Variants in PCDHGB7 observed in about 807,000 individuals in gnomAD.
PCDHGB7 encodes the protein protocadherin gamma subfamily B, 7.
In PCDHGB7, 37 loss-of-function variants were observed where a neutral mutation model predicts 61.4. The ratio of observed to expected loss-of-function variants is 0.60; its 90% CI spans 0.46 to 0.79. PCDHGB7 has a LOEUF of 0.79. Among genes scored for constraint, PCDHGB7 ranks in the 30% least tolerant of loss-of-function variants. The pLI is 0.00. For missense variants in PCDHGB7, 1,166 were observed against 1,202.5 expected, an observed-to-expected ratio of 0.97 and a Z score of 0.45; for synonymous variants, 464 against 503.5, an observed-to-expected ratio of 0.92 and a Z score of 1.05.
At position 141,419,733 on chromosome 5, in the gene PCDHGB7, AGGTGCGCATGGTGCGTGCTTTG is replaced by A. The variant is rs763538035; in HGVS notation, c.1879_1900del (p.Arg627ThrfsTer10). On this transcript the variant is annotated frameshift_variant, in exon 1 of 4. Transcript: ENST00000398594. LOFTEE classifies it high-confidence loss of function. ...TTCAGCCTGGGGCTGCGAACAGGCG[AGGTGCGCATGGTGCGTGCTTTG>A]GGTGACAAGGACTCGGTCCGCCAGC... The A allele has an allele frequency of 1.1e-5, 18 of 1,613,646 alleles. No individual in the cohort carries two copies. The highest frequency in any genetic ancestry group is 1.4e-5 in the Non-Finnish European group (17 of 1,179,854).
chr5:141,458,551 T>A (rs1019302178), intron 1 of PCDHGB7, among the ~76,000 whole-genome samples: 1 of 148,194 alleles, frequency 6.7e-6, no homozygotes, highest in Non-Finnish European at 1.5e-5. Flanking sequence ...TTTGTTTGTT[T>A]GTTTTGGTTT....
chr5:141,467,572 G>A (rs1351985954), intron 1 of PCDHGB7, among the ~76,000 whole-genome samples: 1 of 152,184 alleles, frequency 6.6e-6, no homozygotes, highest in African/African-American at 2.4e-5. Flanking sequence ...TGGCTATCCA[G>A]TTGTCCCAAT....
rs192677983 is a variant in PCDHGB7 at position 141,457,339 on chromosome 5, A to G, written c.2415+37065A>G. On this transcript the variant is annotated intron_variant, in intron 1 of 3. Transcript: ENST00000398594. The stretch of plus-strand genomic sequence containing the variant: ...CCTCCGGGTTACAGGTACCTTACTT[A>G]CTTTCATTACCTGGCACAATTTGCA... Among the ~76,000 whole-genome samples the G allele has an allele frequency of 3.1e-4, 47 of 152,268 alleles. No individual in the cohort carries two copies. The South Asian group carries it at 3.3e-3, about 11-fold the overall frequency.
Position 141,477,486 on chromosome 5 carries a change from C to A in PCDHGB7, c.2416-17321C>A. On this transcript the variant is annotated intron_variant, in intron 1 of 3. Coordinates refer to ENST00000398594, the MANE Select transcript of PCDHGB7 (RefSeq NM_018927.4). This position sits in a 1 kb window ranked among gnomAD's most constrained non-coding sequence, Gnocchi z 4.9. ...GACATCAATGACAACCCTCCACAAT[C>A]TTCTCAATCTTCCTACGACGTTTAC... is the stretch of plus-strand genomic sequence containing the variant. The A allele has an allele frequency of 6.2e-7, 1 of 1,614,170 alleles. No homozygotes were observed. The highest frequency in any genetic ancestry group is 8.5e-7 in the Non-Finnish European group (1 of 1,180,040).
intron 1 of PCDHGB7, among the ~76,000 whole-genome samples, chr5:141,469,484 A>AGAATCGCT (rs1279677032): frequency 6.6e-6 from 1 of 152,074 alleles, no homozygotes; most frequent in African/African-American, 2.4e-5. Flanking sequence ...CTGAGGCAGG[A>AGAATCGCT]GAATCGCTTG....
chr5:141,433,080 A>T lies in PCDHGB7; in HGVS notation c.2415+12806A>T, dbSNP rs1315049041. 4.3e-6 allele frequency: 7 copies of T among 1,614,174 alleles called. No homozygotes were observed. The East Asian group carries it at 1.6e-4, about 36-fold the overall frequency. ...AGTCACCTGATCTTCCCCCAGCCCA[A>T]CTATGCAGACATGCTCGTCAGCCAG... On this transcript the variant is annotated intron_variant, in intron 1 of 3. Transcript: ENST00000398594.
chr5:141,421,425 C>T, intron 1 of PCDHGB7: 1 of 1,614,100 alleles, frequency 6.2e-7, no homozygotes, highest in Non-Finnish European at 8.5e-7. Context: ...GCGGAGTCCG[C>T]ATCGTCTCCA....
intron 2 of PCDHGB7, among the ~76,000 whole-genome samples, chr5:141,499,937 C>T (rs1257575594): frequency 6.6e-6 from 1 of 152,082 alleles, no homozygotes; most frequent in Non-Finnish European, 1.5e-5. Context: ...ATCCACCCTC[C>T]TCGGCCTCCC....
intron 1 of PCDHGB7, chr5:141,430,816 C>G: frequency 6.5e-7 from 1 of 1,538,128 alleles, no homozygotes. Context: ...TGGGAATCCT[C>G]CTGGGGACTC....
Position 141,477,545 on chromosome 5 carries a change from C to T in PCDHGB7, c.2416-17262C>T. The T allele has an allele frequency of 6.2e-7, 1 of 1,614,194 alleles. No individual in the cohort carries two copies. Among genetic ancestry groups the T allele is most frequent in the South Asian group, 1.1e-5 (1 of 91,086 alleles). On this transcript the variant is annotated intron_variant, in intron 1 of 3. Coordinates refer to ENST00000398594, the MANE Select transcript of PCDHGB7 (RefSeq NM_018927.4). The surrounding 1 kb of genome is among the most constrained non-coding windows in gnomAD (Gnocchi z 4.9). ...AAACAACCTCCCCGGGGCTCCAATA[C>T]TAAACCTAAGTGTCTGGGACCCCGA...
chr5:141,441,737 C>CG, intron 1 of PCDHGB7: 1 of 365,242 alleles, frequency 2.7e-6, no homozygotes, highest in South Asian at 2.2e-5. Flanking sequence ...AGGACTAGCT[C>CG]GCGCTCGGCG....
intron 1 of PCDHGB7, among the ~76,000 whole-genome samples, chr5:141,447,285 A>G (rs143024915): frequency 0.046 from 7,013 of 152,060 alleles, 241 homozygotes; most frequent in African/African-American, 0.093. Context: ...GACTACAGGC[A>G]CATGCCACCA....
chr5:141,435,882 C>G (rs780080571), intron 1 of PCDHGB7, among the ~76,000 whole-genome samples: 1 of 152,060 alleles, frequency 6.6e-6, no homozygotes, highest in African/African-American at 2.4e-5. Context: ...AGATTGGAAA[C>G]CCCTTAGAGA....
In PCDHGB7 at chr5:141,491,105, C is replaced by T; in HGVS notation, c.2416-3702C>T. ...ACAGCCCCAGGACTGTTCCTCGTGTCTACACACACTGGTGAGGTGCGCACA... is the reference window on the plus strand; with the variant it reads ...ACAGCCCCAGGACTGTTCCTCGTGTTTACACACACTGGTGAGGTGCGCACA... On this transcript the variant is annotated intron_variant, in intron 1 of 3. Transcript: ENST00000398594. This position sits in a 1 kb window ranked among gnomAD's most constrained non-coding sequence, Gnocchi z 6.9. 1 of 1,614,222 alleles carries T rather than the reference C, an allele frequency of 6.2e-7. No individual in the cohort carries two copies. Among genetic ancestry groups the T allele is most frequent in the Non-Finnish European group, 8.5e-7 (1 of 1,180,032 alleles).
chr5:141,431,032 C>T lies in PCDHGB7; in HGVS notation c.2415+10758C>T. 1 of 1,614,008 alleles carries T rather than the reference C, an allele frequency of 6.2e-7. No individual in the cohort carries two copies. The highest frequency in any genetic ancestry group is 2.2e-5 in the East Asian group (1 of 44,848). On this transcript the variant is annotated intron_variant, in intron 1 of 3. Transcript: ENST00000398594. This position sits in a 1 kb window ranked among gnomAD's most constrained non-coding sequence, Gnocchi z 4.8. ...GCTTGGTCACGGCGGGCAGGATAGA[C>T]CGGGAGGAGCTCTGTATGGGGGCCA...
intron 1 of PCDHGB7, among the ~76,000 whole-genome samples, chr5:141,475,237 G>C (rs2099360785): frequency 6.6e-6 from 1 of 152,234 alleles, no homozygotes. Flanking sequence ...AAACGATAGA[G>C]AGAGTGTGCT....
chr5:141,420,092 G>A lies in PCDHGB7; in HGVS notation c.2233G>A (p.Glu745Lys). 2 of 1,614,020 alleles carry A rather than the reference G, an allele frequency of 1.2e-6. No homozygotes were observed. Among genetic ancestry groups the A allele is most frequent in the Non-Finnish European group, 1.7e-6 (2 of 1,179,870 alleles). The change falls in exon 1 of 4, where the codon GAG becomes AAG. Residue 745 changes from glutamate to lysine, a missense_variant. Glu to Lys is a moderately conservative substitution (Grantham distance 56). Transcript: ENST00000398594. ...SGPVGPPNYS[E>K]GTLPYAYNFC... ...ACCTGTGGGTCCCCCCAACTACAGT[G>A]AGGGAACGTTGCCCTATGCCTATAA...
intron 1 of PCDHGB7, among the ~76,000 whole-genome samples, chr5:141,468,914 G>A (rs563780068): frequency 2.6e-5 from 4 of 151,700 alleles, no homozygotes; most frequent in Admixed American, 2.6e-4. Context: ...CAGACTAGAA[G>A]AGAATAGCAC....
At chr5:141,510,579 C>T (rs2099881748) in intron 3 of PCDHGB7, among the ~76,000 whole-genome samples, 1 of 152,170 alleles carries the variant, frequency 6.6e-6, no homozygotes, top group Non-Finnish European at 1.5e-5. Flanking sequence ...CACTATTTTA[C>T]GTACCTGACA....
Sources: allele counts gnomAD v4.1 joint callset (sites outside exome capture counted in the v4.1 genomes callset), GRCh38; gene constraint gnomAD v4.1.1; non-coding constraint Gnocchi (gnomAD v3.1); transcripts MANE v1.5; gene names NCBI Gene and HGNC (gene_info 2026-07-23, HGNC 2026-07-21).